The following CELSR1 variants were observed in gnomAD, a reference collection of about 807,000 sequenced individuals.
CELSR1 encodes cadherin EGF LAG seven-pass G-type receptor 1.
CELSR1 carries 110 observed loss-of-function variants against 249.1 expected under a neutral mutation model. That is an observed-to-expected ratio of 0.44 (90% CI 0.38 to 0.52). The LOEUF is 0.52. Among genes scored for constraint, CELSR1 ranks in the 20% least tolerant of loss-of-function variants. The pLI is 0.00. For missense variants in CELSR1, 4,109 were observed against 4,296.4 expected (o/e 0.96, Z 1.22); for synonymous variants, 2,113 against 1,900.0 (o/e 1.11, Z -2.92).
rs1320252580 is a variant in CELSR1, at chr22:46,488,914, T to C, written c.3545-24569A>G. ...GACCTCATGATCCGCCTGCCTCGGC[T>C]TCCCAAAGTGTTGGGATTACAGGCG... On this transcript the variant is annotated intron_variant, in intron 1 of 34. Transcript: ENST00000674500. The surrounding 1 kb of genome is among the most constrained non-coding windows in gnomAD (Gnocchi z 4.7). Among the ~76,000 whole-genome samples the C allele has an allele frequency of 1.3e-5, 2 of 151,558 alleles. No individual in the cohort carries two copies. The highest frequency in any genetic ancestry group is 2.9e-5 in the Non-Finnish European group (2 of 67,914).
chr22:46,409,234 G>A lies in CELSR1; in HGVS notation c.5060-72C>T. 1.5e-5 allele frequency: 23 copies of A among 1,525,424 alleles called. No homozygotes were observed. The highest frequency in any genetic ancestry group is 2.3e-5 in the East Asian group (1 of 44,164). 94.5% of individuals were successfully genotyped at this position (1,525,424 alleles called of 1,614,324 possible). ...GGCCGCGGACTTGGCTGCAGGGGCG[G>A]GGGATGGGCCTGCAGGCTAGGCCTG... On this transcript the variant is annotated intron_variant, in intron 8 of 34. Coordinates refer to ENST00000674500, the MANE Select transcript of CELSR1 (RefSeq NM_001378328.1). The surrounding 1 kb of genome is among the most constrained non-coding windows in gnomAD (Gnocchi z 9.8).
chr22:46,367,593 A>AC, intron 28 of CELSR1, 136 bp downstream of exon 28: 1 of 1,248,196 alleles, frequency 8.0e-7, no homozygotes, highest in Non-Finnish European at 1.1e-6. Flanking sequence ...CTGAGTCCTC[A>AC]CAGCCACAGG....
At chr22:46,531,687 C>T (rs937736302) in intron 1 of CELSR1, among the ~76,000 whole-genome samples, 1 of 152,214 alleles carries the variant, frequency 6.6e-6, no homozygotes, top group African/African-American at 2.4e-5. Context: ...ACTCAACACC[C>T]CAGGGCCTCA....
At chr22:46,451,043 C>A (rs2079877788) in intron 2 of CELSR1, among the ~76,000 whole-genome samples, 1 of 152,204 alleles carries the variant, frequency 6.6e-6, no homozygotes, top group Non-Finnish European at 1.5e-5. Flanking sequence ...CCCCTCCATG[C>A]CCCACTCCCT....
rs149794617 is a variant in CELSR1, at chr22:46,454,212, C to T, written c.4183+9495G>A. On this transcript the variant is annotated intron_variant, in intron 2 of 34. Coordinates refer to ENST00000674500, the MANE Select transcript of CELSR1 (RefSeq NM_001378328.1). The surrounding 1 kb of genome is among the most constrained non-coding windows in gnomAD (Gnocchi z 5.1). ...CAGCTGAGGAAGGCAGAGCAGGAGG[C>T]CCTCCCCAGGGCCTCCCGGAGCAGC... Among the ~76,000 whole-genome samples the T allele has an allele frequency of 3.3e-5, 5 of 152,230 alleles. No homozygotes were observed. The highest frequency in any genetic ancestry group is 7.4e-5 in the Non-Finnish European group (5 of 67,994).
chr22:46,498,125 G>GT lies in CELSR1; in HGVS notation c.3545-33781dup, dbSNP rs759694193. Among the ~76,000 whole-genome samples the GT allele has an allele frequency of 4.0e-5, 6 of 151,578 alleles. No homozygotes were observed. In the East Asian group the frequency reaches 9.7e-4, roughly 24 times the overall value. On this transcript the variant is annotated intron_variant, in intron 1 of 34. Transcript: ENST00000674500. ...TAGCTGGGTGTGGTGGCGCACACCT[G>GT]TAAGTCCCAGCTACTCGGGAGGCTG...
Position 46,423,422 on chromosome 22 carries a change from A to C in CELSR1, c.4611+9971T>G, listed in dbSNP as rs2079500930. 6.6e-6 allele frequency among the ~76,000 whole-genome samples: 1 copy of C among 151,800 alleles called. No individual in the cohort carries two copies. The highest frequency in any genetic ancestry group is 2.4e-5 in the African/African-American group (1 of 41,272). ...TCAGGAGTTCAAGACCAGCCTCAAC[A>C]TGGAGAAACCCCGTCTCTACTAAAA... On this transcript the variant is annotated intron_variant, in intron 5 of 34. Coordinates refer to ENST00000674500, the MANE Select transcript of CELSR1 (RefSeq NM_001378328.1). This position sits in a 1 kb window ranked among gnomAD's most constrained non-coding sequence, Gnocchi z 5.6.
intron 1 of CELSR1, among the ~76,000 whole-genome samples, chr22:46,470,554 C>T (rs1221562388): frequency 6.6e-6 from 1 of 152,132 alleles, no homozygotes. Context: ...GTGAAGTGTG[C>T]TACAGAACAC....
In CELSR1 at chr22:46,433,263, G is replaced by A. The variant is rs898251707; in HGVS notation, c.4611+130C>T. The A allele has an allele frequency of 1.4e-4, 86 of 628,670 alleles. No individual in the cohort carries two copies. Among genetic ancestry groups the A allele is most frequent in the Non-Finnish European group, 2.3e-4 (83 of 366,024 alleles). 38.9% of individuals were successfully genotyped at this position (628,670 alleles called of 1,614,324 possible). ...TTGGCCAAGCTGGTCTCGAGCTCCT[G>A]ACCTCAGGTAATCCACCTGCCTTGG... is the stretch of plus-strand genomic sequence containing the variant. On this transcript the variant is annotated intron_variant, in intron 5 of 34. Coordinates refer to ENST00000674500, the MANE Select transcript of CELSR1 (RefSeq NM_001378328.1). The surrounding 1 kb of genome is among the most constrained non-coding windows in gnomAD (Gnocchi z 5.7).
chr22:46,516,903 G>A (rs557985562), intron 1 of CELSR1, among the ~76,000 whole-genome samples: 2 of 152,286 alleles, frequency 1.3e-5, no homozygotes, highest in African/African-American at 4.8e-5. Context: ...CACTGCAGCT[G>A]ACCCCCACTG....
intron 1 of CELSR1, among the ~76,000 whole-genome samples, chr22:46,478,740 G>A (rs2080236350): frequency 1.3e-5 from 2 of 150,722 alleles, no homozygotes; most frequent in Non-Finnish European, 2.9e-5. Flanking sequence ...TTTTAGTAGA[G>A]ACGGGGTTTC....
rs566249846 is a variant in CELSR1, at chr22:46,401,425, C to G, written c.5227-1523G>C. Among the ~76,000 whole-genome samples the G allele has an allele frequency of 3.0e-4, 45 of 152,316 alleles. No individual in the cohort carries two copies. The highest frequency in any genetic ancestry group is 1.0e-3 in the African/African-American group (43 of 41,572). On this transcript the variant is annotated intron_variant, in intron 9 of 34. Coordinates refer to ENST00000674500, the MANE Select transcript of CELSR1 (RefSeq NM_001378328.1). The surrounding 1 kb of genome is among the most constrained non-coding windows in gnomAD (Gnocchi z 4.7). ...AGTGGCTCCAGGCAAAACAGAGTTT[C>G]AGGCTCACAACCAAGGAAAAGACAG... is the stretch of plus-strand genomic sequence containing the variant.
intron 1 of CELSR1, among the ~76,000 whole-genome samples, chr22:46,521,120 C>T (rs576990537): frequency 3.3e-5 from 5 of 152,360 alleles, no homozygotes; most frequent in African/African-American, 1.2e-4. Flanking sequence ...CTTATCCATT[C>T]GTCTGTTCAC....
Position 46,396,890 on chromosome 22 carries a change from C to A in CELSR1, c.5702-144G>T. On this transcript the variant is annotated intron_variant, in intron 12 of 34. Transcript: ENST00000674500. The surrounding 1 kb of genome is among the most constrained non-coding windows in gnomAD (Gnocchi z 6.4). ...GAAGAGGAAGAGTGCCACAGAGTCC[C>A]CGAAAACACAGCGTTAGGCGGGTTA... The A allele has an allele frequency of 8.7e-7, 1 of 1,145,660 alleles. No individual in the cohort carries two copies. Among genetic ancestry groups the A allele is most frequent in the Non-Finnish European group, 1.2e-6 (1 of 810,496 alleles). The allele number at this position is 1,145,660 out of a possible 1,614,324, so 71.0% of individuals were successfully genotyped here.
At position 46,488,425 on chromosome 22, in the gene CELSR1, C is replaced by T. The variant is rs891357835; in HGVS notation, c.3545-24080G>A. ...CGGCGAGTGCAGCACAGGAGGCCAC[C>T]GTAGTGCCATAGAGCGTGCACCTAG... On this transcript the variant is annotated intron_variant, in intron 1 of 34. Transcript: ENST00000674500. This position sits in a 1 kb window ranked among gnomAD's most constrained non-coding sequence, Gnocchi z 4.7. Among the ~76,000 whole-genome samples, 7 of 152,156 alleles carry T rather than the reference C, an allele frequency of 4.6e-5. No individual in the cohort carries two copies. The highest frequency in any genetic ancestry group is 7.4e-5 in the Non-Finnish European group (5 of 68,016).
intron 1 of CELSR1, among the ~76,000 whole-genome samples, chr22:46,470,001 A>AG (rs1268852616): frequency 4.2e-4 from 5 of 11,998 alleles, no homozygotes; most frequent in African/African-American, 1.1e-3. Flanking sequence ...GGAGGGAGGG[A>AG]GAGGCAAAGG....
rs568874367 is a variant in CELSR1, at chr22:46,366,439, G to A, written c.8247C>T (p.Asp2749=). ...NCNTTFGDGP[D]MLRTDLGEST... ...ACTCGCCCAAGTCTGTGCGCAGCAT[G>A]TCAGGCCCGTCACCGAAGGTGGTGT... The change falls in exon 30 of 35, where the codon GAC becomes GAT. Residue 2749 remains aspartate (D), a synonymous_variant. Transcript: ENST00000674500. 1.3e-6 allele frequency: 2 copies of A among 1,550,362 alleles called. No individual in the cohort carries two copies. The highest frequency in any genetic ancestry group is 2.0e-5 in the Admixed American group (1 of 50,988).
intron 1 of CELSR1, among the ~76,000 whole-genome samples, chr22:46,467,403 T>C (rs894861466): frequency 6.6e-6 from 1 of 152,120 alleles, no homozygotes; most frequent in Admixed American, 6.6e-5. Flanking sequence ...TACTACGCTG[T>C]CATGAACATA....
At chr22:46,439,063 C>CAATCTT (rs2079703617) in intron 3 of CELSR1, 126 bp downstream of exon 3, 1 of 934,520 alleles carries the variant, frequency 1.1e-6, no homozygotes, top group Non-Finnish European at 1.6e-6. Context: ...TGGCCTGGAG[C>CAATCTT]TACTCAACTA....
Sources: allele counts gnomAD v4.1 joint callset (sites outside exome capture counted in the v4.1 genomes callset), GRCh38; gene constraint gnomAD v4.1.1; non-coding constraint Gnocchi (gnomAD v3.1); transcripts MANE v1.5; gene names NCBI Gene and HGNC (gene_info 2026-07-23, HGNC 2026-07-21).